The following RENBP variants were observed in gnomAD, a reference collection of about 807,000 sequenced individuals.
The protein encoded by RENBP is renin binding protein.
Under a neutral mutation model 37.8 loss-of-function variants are expected in RENBP, and 16 were observed. That is an observed-to-expected ratio of 0.42 (90% CI 0.29 to 0.64). The LOEUF (loss-of-function observed/expected upper bound fraction) is 0.64. Ranked by LOEUF, RENBP falls within the 30% of genes least tolerant of loss-of-function variation. The pLI, the probability that RENBP is intolerant of heterozygous loss-of-function variation, is 0.19. For synonymous variants in RENBP, 170 were observed against 154.8 expected, an observed-to-expected ratio of 1.10 and a Z score of -0.73; for missense variants, 347 against 379.5, an observed-to-expected ratio of 0.91 and a Z score of 0.71.
chrX:153,941,590 A>G lies in RENBP; in HGVS notation c.833T>C (p.Leu278Pro), dbSNP rs782205756. 1 of 1,208,044 alleles carries G rather than the reference A, an allele frequency of 8.3e-7. No individual in the cohort carries two copies. The highest frequency in any genetic ancestry group is 1.8e-5 in the South Asian group (1 of 56,805). ...GAACTTGTCAATCACGTGGGCTCGA[A>G]GTTCGGGGTCGCCTTTCCGAATGCA... Reference protein sequence around the residue: ...RHCIRKGDPELRAHVIDKFLL... With the variant: ...RHCIRKGDPEPRAHVIDKFLL... The change falls in exon 8 of 11, where the codon CTT (leucine) becomes CCT (proline). Residue 278 changes from leucine to proline, a missense_variant. Leu to Pro is a moderately conservative substitution (Grantham distance 98, BLOSUM62 -3). Around this residue, in one of 3 missense-constraint regions of RENBP, gnomAD observed 244 missense variants for 279.4 expected, o/e 0.87. Coordinates refer to ENST00000393700, the MANE Select transcript of RENBP (RefSeq NM_002910.6).
chrX:153,943,396 C>A (rs1332228631), intron 5 of RENBP, 150 bp downstream of exon 5: 3 of 597,703 alleles, frequency 5.0e-6, no homozygotes, highest in Non-Finnish European at 7.8e-6. Context: ...GTCTGCGCCC[C>A]TGTGGGGGTA....
At chrX:153,937,236 A>ATAAG in intron 9 of RENBP, 1 of 117,279 alleles carries the variant, frequency 8.5e-6, no homozygotes, top group Non-Finnish European at 1.7e-5. Context: ...AAATAAATAA[A>ATAAG]TAAATAAAAA....
At chrX:153,941,313 G>A (rs782197206) in intron 8 of RENBP, among the ~76,000 whole-genome samples, 165 bp downstream of exon 8, 10 of 110,673 alleles carry the variant, frequency 9.0e-5, no homozygotes, top group African/African-American at 2.3e-4. Context: ...TCCCTCTTCT[G>A]GGGTCTGGAT....
chrX:153,944,494 G>A, intron 1 of RENBP, 76 bp from the exon 2 acceptor site: 5 of 1,169,370 alleles, frequency 4.3e-6, no homozygotes, highest in Non-Finnish European at 5.8e-6. Context: ...CCAGCCCTCA[G>A]GGATCTCCCC....
rs1000447894 is a variant in RENBP, at chrX:153,943,771, C to T, written c.290-53G>A. 15 of 1,187,684 alleles carry T rather than the reference C, an allele frequency of 1.3e-5. No homozygotes were observed. The African/African-American group carries it at 1.9e-4, about 15-fold the overall frequency. On this transcript the variant is annotated intron_variant, in intron 4 of 10. Coordinates refer to ENST00000393700, the MANE Select transcript of RENBP (RefSeq NM_002910.6). ...GGGTAAGGCCAGGACGCCCCGCACA[C>T]ACCACCCTTGAGCCTCCCCAAGTCC...
At chrX:153,941,193 C>G (rs1557109454) in intron 8 of RENBP, among the ~76,000 whole-genome samples, 1 of 107,060 alleles carries the variant, frequency 9.3e-6, no homozygotes, top group African/African-American at 3.4e-5. Flanking sequence ...CAGGGCTGCT[C>G]TGCCTATGGA....
At position 153,943,185 on chromosome X, in the gene RENBP, G is replaced by C. The variant is rs190498211; in HGVS notation, c.463-106C>G. On this transcript the variant is annotated intron_variant, in intron 5 of 10. Coordinates refer to ENST00000393700, the MANE Select transcript of RENBP (RefSeq NM_002910.6). ...AGAGCCAATTCCTCTCCTGAACCCA[G>C]AGACACCTTCATCCAGGGCCTACTT... The C allele has an allele frequency of 2.3e-5, 14 of 609,735 alleles. No homozygotes were observed. In the African/African-American group the frequency reaches 3.0e-4, roughly 13 times the overall value. The allele number at this position is 609,735 out of a possible 1,213,427, so 50.2% of individuals were successfully genotyped here. A position where few individuals can be genotyped will look rare whatever the true frequency, so the allele number is the denominator to read the frequency against.
chrX:153,936,332 C>T (rs2065201666), intron 9 of RENBP, among the ~76,000 whole-genome samples: 1 of 107,453 alleles, frequency 9.3e-6, no homozygotes, highest in African/African-American at 3.4e-5. Flanking sequence ...ACAGTGAAAT[C>T]CCGTCTCTAC....
rs782477468 is a variant in RENBP, at chrX:153,941,646, C to A, written c.777G>T (p.Thr259=). The A allele has an allele frequency of 1.7e-6, 2 of 1,147,442 alleles. No homozygotes were observed. Among genetic ancestry groups the A allele is most frequent in the Admixed American group, 2.5e-5 (1 of 39,508 alleles). 94.6% of individuals were successfully genotyped at this position (1,147,442 alleles called of 1,213,427 possible). Residue 259 remains threonine, a synonymous_variant, in exon 8 of 11, where the codon ACG becomes ACT. Transcript: ENST00000393700. ...CLGRQQNPGH[T]LEAGWFLLRH... ...GGAGCAGAAACCAGCCGGCTTCCAGCGTGTGGCCTGGTGAGGGGTGGAGTA... is the reference window on the plus strand; with the variant it reads ...GGAGCAGAAACCAGCCGGCTTCCAGAGTGTGGCCTGGTGAGGGGTGGAGTA...
At chrX:153,937,417 T>TTTTG (rs2065208256) in intron 9 of RENBP, among the ~76,000 whole-genome samples, 1 of 109,500 alleles carries the variant, frequency 9.1e-6, no homozygotes, top group East Asian at 2.8e-4. Flanking sequence ...TTACCTGTTT[T>TTTTG]TTTGTTTGTT....
chrX:153,942,224 G>GTTT, intron 6 of RENBP, 193 bp from the exon 7 acceptor site: 2 of 176,006 alleles, frequency 1.1e-5, no homozygotes, highest in Non-Finnish European at 1.9e-5. Flanking sequence ...GGCCTAGCAA[G>GTTT]TTGTTGTTTT....
intron 9 of RENBP, among the ~76,000 whole-genome samples, chrX:153,936,365 G>C (rs1213995955): frequency 9.3e-6 from 1 of 107,160 alleles, no homozygotes; most frequent in Admixed American, 1.0e-4. Context: ...AATTAGCCGG[G>C]AGTGGTGGCG....
At chrX:153,938,782 G>T (rs868946684) in intron 9 of RENBP, among the ~76,000 whole-genome samples, 15 of 75,468 alleles carry the variant, frequency 2.0e-4, no homozygotes, top group Admixed American at 3.6e-4. Flanking sequence ...CATCTGTACT[G>T]TTTTTTTTTT....
At chrX:153,942,527 G>T (rs1569546453) in intron 6 of RENBP, 1 of 289,290 alleles carries the variant, frequency 3.5e-6, no homozygotes, top group Admixed American at 5.9e-5. Context: ...ACGAGCCACC[G>T]CGTCCAGCCC....
intron 8 of RENBP, 80 bp from the exon 9 acceptor site, chrX:153,940,313 C>A: frequency 8.9e-7 from 1 of 1,123,735 alleles, no homozygotes; most frequent in Non-Finnish European, 1.2e-6. Flanking sequence ...TCTCCATTGG[C>A]CCAAGCTACT....
Position 153,943,639 on chromosome X carries a change from G to A in RENBP, c.369C>T (p.Arg123=), listed in dbSNP as rs782753612. Reference sequence around the variant, plus strand: ...AGATGGTTCGCTGCACCTTGACCGGGCGGCCGTCCCGAGTCAGCACAAAGG... The same window carrying A: ...AGATGGTTCGCTGCACCTTGACCGGACGGCCGTCCCGAGTCAGCACAAAGG... The part of the protein sequence containing the change: ...KCAFVLTRDG[R]PVKVQRTIFS... Residue 123 remains arginine, a synonymous_variant, in exon 5 of 11, where the codon CGC becomes CGT. Coordinates refer to ENST00000393700, the MANE Select transcript of RENBP (RefSeq NM_002910.6). 6 of 1,210,083 alleles carry A rather than the reference G, an allele frequency of 5.0e-6. No homozygotes were observed. Among genetic ancestry groups the A allele is most frequent in the South Asian group, 1.8e-5 (1 of 56,905 alleles).
chrX:153,939,761 C>T (rs2065218523), intron 9 of RENBP, among the ~76,000 whole-genome samples: 1 of 110,026 alleles, frequency 9.1e-6, no homozygotes, highest in African/African-American at 3.3e-5. Context: ...CCCTCAGACA[C>T]ACCCCTGATT....
At position 153,944,135 on chromosome X, in the gene RENBP, C is replaced by T. The variant is rs782515226; in HGVS notation, c.158G>A (p.Gly53Asp). The T allele has an allele frequency of 7.4e-6, 9 of 1,211,060 alleles. No homozygotes were observed. In the South Asian group the frequency reaches 1.6e-4, roughly 21 times the overall value. ...QEHGGFFTCL[G>D]REGRVYDDLK... ...GTCATCATACACCCGCCCCTCGCGG[C>T]CAAGGCACGTGAAGAAGCCCCTGTG... Residue 53 changes from glycine (G) to aspartate (D), a missense_variant, in exon 3 of 11, where the codon GGC (glycine) becomes GAC (aspartate). Gly to Asp is a moderately conservative substitution (Grantham distance 94). Transcript: ENST00000393700.
chrX:153,942,520 A>G (rs1164114871), intron 6 of RENBP: 3 of 277,422 alleles, frequency 1.1e-5, no homozygotes, highest in Non-Finnish European at 1.3e-5. Flanking sequence ...TACAGGCACG[A>G]GCCACCGCGT....
Sources: gnomAD v4.1 joint callset for allele counts (sites outside exome capture counted in the v4.1 genomes callset) on GRCh38, gnomAD v4.1.1 for gene constraint, gnomAD v4.1.1 regional missense constraint, MANE v1.5 for transcripts, NCBI Gene and HGNC (gene_info 2026-07-23, HGNC 2026-07-21) for gene names.